Variants in MAP3K19 observed in about 807,000 individuals in gnomAD.
The protein encoded by MAP3K19 is SPS1/STE20-related protein kinase YSK4.
In MAP3K19, 91 loss-of-function variants were observed where a neutral mutation model predicts 114.4. That is an observed-to-expected ratio of 0.80 (90% CI 0.67 to 0.95). The LOEUF (loss-of-function observed/expected upper bound fraction) is 0.95. Ranked by LOEUF, MAP3K19 falls within the 40% of genes least tolerant of loss-of-function variation. The probability of loss-of-function intolerance (pLI) is 0.00; values close to 1 mark genes in which losing one functional copy is unlikely to be tolerated. For synonymous variants in MAP3K19, 518 were observed against 530.5 expected (o/e 0.98, Z 0.32); for missense variants, 1,471 against 1,573.2 (o/e 0.94, Z 1.10).
intron 4 of MAP3K19, among the ~76,000 whole-genome samples, chr2:135,022,527 C>A (rs1688052591): frequency 6.6e-6 from 1 of 152,252 alleles, no homozygotes; most frequent in Admixed American, 6.5e-5. Context: ...TTATTGCTGG[C>A]TCAATCGATA....
chr2:134,975,475 C>A (rs989825619), intron 12 of MAP3K19, among the ~76,000 whole-genome samples: 4 of 152,158 alleles, frequency 2.6e-5, no homozygotes, highest in African/African-American at 9.7e-5. Flanking sequence ...CTTGGTTGAC[C>A]TTTCCTCAGG....
At position 134,978,257 on chromosome 2, in the gene MAP3K19, G is replaced by A. The variant is rs1176615517; in HGVS notation, c.3920+2564C>T. On this transcript the variant is annotated intron_variant, in intron 12 of 12. Coordinates refer to ENST00000392915, the MANE Select transcript of MAP3K19 (RefSeq NM_025052.5). Reference sequence around the variant, plus strand: ...GCTGGAGTGCAGTGGTGCCATCTCAGCCCACTGCAGCATCAACTTCCGGGG... The same window carrying A: ...GCTGGAGTGCAGTGGTGCCATCTCAACCCACTGCAGCATCAACTTCCGGGG... Among the ~76,000 whole-genome samples the A allele has an allele frequency of 2.0e-5, 3 of 151,142 alleles. No individual in the cohort carries two copies. The East Asian group carries it at 5.9e-4, about 30-fold the overall frequency.
chr2:135,018,857 G>A (rs1322682223), intron 5 of MAP3K19, among the ~76,000 whole-genome samples: 1 of 152,118 alleles, frequency 6.6e-6, no homozygotes, highest in Non-Finnish European at 1.5e-5. Context: ...AACCAAGGCA[G>A]GCAGATCACC....
chr2:134,967,894 G>C (rs181246302), intron 12 of MAP3K19, among the ~76,000 whole-genome samples: 3 of 150,956 alleles, frequency 2.0e-5, no homozygotes, highest in African/African-American at 4.9e-5. Flanking sequence ...TCATTCTTGG[G>C]TGTTTCTCGC....
At chr2:135,041,338 C>T (rs1558747815) in intron 1 of MAP3K19, among the ~76,000 whole-genome samples, 1 of 142,924 alleles carries the variant, frequency 7.0e-6, no homozygotes, top group African/African-American at 2.6e-5. Context: ...TGCATGGAAC[C>T]TTTTTTTTTT....
rs372874029 is a variant in MAP3K19, at chr2:134,985,875, G to A, written c.2997C>T (p.Asn999=). 5 of 1,613,870 alleles carry A rather than the reference G, an allele frequency of 3.1e-6. No individual in the cohort carries two copies. In the East Asian group the frequency reaches 8.9e-5, roughly 29 times the overall value. ...QKMANETDPE[N]LNLVLRWRGS... ...CTCTCCATCTGAGGACAAGATTTAG[G>A]TTTTCAGGATCTGTTTCATTTGCCA... Residue 999 remains asparagine, a synonymous_variant, in exon 10 of 13, where the codon AAC becomes AAT. Coordinates refer to ENST00000392915, the MANE Select transcript of MAP3K19 (RefSeq NM_025052.5).
At chr2:135,036,930 A>G (rs1314941269) in intron 2 of MAP3K19, among the ~76,000 whole-genome samples, 2 of 152,088 alleles carry the variant, frequency 1.3e-5, no homozygotes, top group East Asian at 3.9e-4. Context: ...TAGTAGAGGA[A>G]GATGTCAGAC....
In MAP3K19 at chr2:134,987,711, T is replaced by C. The variant is rs1310958634; in HGVS notation, c.1161A>G (p.Val387=). Residue 387 remains valine, a synonymous_variant, in exon 10 of 13, where the codon GTA becomes GTG. Transcript: ENST00000392915. The part of the protein sequence containing the change: ...AKNYEQDPEI[V]CTIPSKFQET... The stretch of plus-strand genomic sequence containing the variant: ...CTTGGAACTTGCTTGGAATGGTACA[T>C]ACTATTTCTGGATCTTGTTCATAGT... 1.9e-6 allele frequency: 3 copies of C among 1,612,544 alleles called. No homozygotes were observed. The highest frequency in any genetic ancestry group is 2.5e-6 in the Non-Finnish European group (3 of 1,180,026).
chr2:135,011,453 C>G (rs967751829), intron 5 of MAP3K19, among the ~76,000 whole-genome samples: 1 of 149,158 alleles, frequency 6.7e-6, no homozygotes, highest in East Asian at 2.0e-4. Context: ...AGGAGAATGG[C>G]GTGAACCCGG....
chr2:135,043,947 C>A lies in MAP3K19; in HGVS notation c.-424+3238G>T, dbSNP rs561237247. 1.1e-4 allele frequency among the ~76,000 whole-genome samples: 16 copies of A among 152,302 alleles called. No individual in the cohort carries two copies. In the East Asian group the frequency reaches 2.9e-3, roughly 28 times the overall value. ...CATTTATCATTACTACCTGTTACTCCTTTTGATTTAAACTTGCTAGAATAG... is the reference window on the plus strand; with the variant it reads ...CATTTATCATTACTACCTGTTACTCATTTTGATTTAAACTTGCTAGAATAG... On this transcript the variant is annotated intron_variant, in intron 1 of 12. Transcript: ENST00000392915.
chr2:135,040,802 G>A (rs916706426), intron 1 of MAP3K19, among the ~76,000 whole-genome samples: 2 of 152,200 alleles, frequency 1.3e-5, no homozygotes, highest in African/African-American at 4.8e-5. Context: ...TGCTGTGGTA[G>A]AGGAGAAGAG....
chr2:135,022,137 A>G (rs1317655021), intron 4 of MAP3K19, among the ~76,000 whole-genome samples: 1 of 152,234 alleles, frequency 6.6e-6, no homozygotes, highest in Non-Finnish European at 1.5e-5. Context: ...TTAGAGAGTT[A>G]GGATGAATCG....
chr2:134,999,386 T>G lies in MAP3K19; in HGVS notation c.315-389A>C, dbSNP rs1346230479. Among the ~76,000 whole-genome samples, 3 of 152,190 alleles carry G rather than the reference T, an allele frequency of 2.0e-5. No homozygotes were observed. The highest frequency in any genetic ancestry group is 2.9e-5 in the Non-Finnish European group (2 of 68,040). On this transcript the variant is annotated intron_variant, in intron 7 of 12. Coordinates refer to ENST00000392915, the MANE Select transcript of MAP3K19 (RefSeq NM_025052.5). The surrounding 1 kb of genome is among the most constrained non-coding windows in gnomAD (Gnocchi z 4.1). ...ATTTAAATTTCCAGTCATTGTGAAC[T>G]GATACTTTTGTAAAATATAAATGAA...
intron 5 of MAP3K19, among the ~76,000 whole-genome samples, chr2:135,020,872 G>A (rs899549499): frequency 6.6e-6 from 1 of 152,168 alleles, no homozygotes; most frequent in Non-Finnish European, 1.5e-5. Flanking sequence ...CCCCAGCCAT[G>A]TGGAACTCTG....
At chr2:134,988,338 T>C (rs185026725) in intron 9 of MAP3K19, 85 bp from the exon 10 acceptor site, 2 of 1,143,886 alleles carry the variant, frequency 1.7e-6, no homozygotes, top group African/African-American at 1.6e-5. Context: ...AAAGAGATTA[T>C]AATATCCTCT....
At chr2:135,023,316 T>A in intron 4 of MAP3K19, 1 of 409,380 alleles carries the variant, frequency 2.4e-6, no homozygotes. Flanking sequence ...AGTCCTGATG[T>A]CCCCACCGCT....
intron 5 of MAP3K19, among the ~76,000 whole-genome samples, chr2:135,009,345 T>C (rs750113775): frequency 1.3e-5 from 2 of 152,164 alleles, no homozygotes; most frequent in African/African-American, 4.8e-5. Flanking sequence ...CTTTGATTAA[T>C]AGAAAAGTTG....
intron 3 of MAP3K19, among the ~76,000 whole-genome samples, chr2:135,027,234 G>T (rs1168993593): frequency 6.6e-6 from 1 of 150,604 alleles, no homozygotes; most frequent in Non-Finnish European, 1.5e-5. Context: ...AACAGAGCAA[G>T]ATCCTGTATA....
At chr2:134,996,363 A>C (rs1012342339) in intron 8 of MAP3K19, among the ~76,000 whole-genome samples, 2 of 150,644 alleles carry the variant, frequency 1.3e-5, no homozygotes, top group Non-Finnish European at 2.9e-5. Context: ...GTTATTATTA[A>C]TTAAAAGTGC....
Sources: gnomAD v4.1 joint callset for allele counts (sites outside exome capture counted in the v4.1 genomes callset) on GRCh38, gnomAD v4.1.1 for gene constraint, Gnocchi (gnomAD v3.1) non-coding constraint, MANE v1.5 for transcripts, NCBI Gene and HGNC (gene_info 2026-07-23, HGNC 2026-07-21) for gene names.